The following UBAC2 variants were observed in gnomAD, a reference collection of about 807,000 sequenced individuals.
UBAC2 encodes ubiquitin-associated domain-containing protein 2.
A neutral mutation model predicts 44.0 loss-of-function variants in UBAC2; 26 were observed. The observed-to-expected ratio is 0.59, with a 90% CI of 0.43 to 0.82. The LOEUF (loss-of-function observed/expected upper bound fraction) is 0.82, where lower values mean the gene tolerates loss of function less well. UBAC2 is among the 40% of genes least tolerant of loss of function. The pLI, the probability that UBAC2 is intolerant of heterozygous loss-of-function variation, is 0.00. For missense variants in UBAC2, 329 were observed against 419.4 expected (o/e 0.78, Z 1.88); for synonymous variants, 155 against 154.3 (o/e 1.00, Z -0.04).
intron 7 of UBAC2, among the ~76,000 whole-genome samples, chr13:99,350,203 C>T (rs1311132020): frequency 6.6e-6 from 1 of 152,110 alleles, no homozygotes; most frequent in Non-Finnish European, 1.5e-5. Context: ...ATTATGACTA[C>T]TCTTACTCTA....
chr13:99,286,955 C>T (rs2044026224), intron 4 of UBAC2, among the ~76,000 whole-genome samples: 1 of 152,184 alleles, frequency 6.6e-6, no homozygotes, highest in Non-Finnish European at 1.5e-5. Flanking sequence ...TCTGCCTCTA[C>T]CCCCGATGTA....
chr13:99,201,162 C>A, intron 1 of UBAC2: 1 of 1,361,728 alleles, frequency 7.3e-7, no homozygotes, highest in Non-Finnish European at 9.5e-7. Context: ...GCCGCCCGCC[C>A]CGACCCCACC....
intron 7 of UBAC2, among the ~76,000 whole-genome samples, chr13:99,355,419 G>A (rs2045163573): frequency 6.6e-6 from 1 of 152,172 alleles, no homozygotes; most frequent in African/African-American, 2.4e-5. Flanking sequence ...GTGCTTACAG[G>A]TGTGTCACTC....
At chr13:99,344,715 T>C (rs2044946221) in intron 7 of UBAC2, among the ~76,000 whole-genome samples, 1 of 152,244 alleles carries the variant, frequency 6.6e-6, no homozygotes, top group African/African-American at 2.4e-5. Flanking sequence ...TGCCTGCTTA[T>C]GCCAGAGTTC....
intron 7 of UBAC2, among the ~76,000 whole-genome samples, chr13:99,358,025 G>A (rs2045212698): frequency 6.6e-6 from 1 of 152,182 alleles, no homozygotes; most frequent in African/African-American, 2.4e-5. Context: ...GATTCAGGCC[G>A]GTTAGCCTGC....
At position 99,296,103 on chromosome 13, in the gene UBAC2, T is replaced by A. The variant is rs777510204; in HGVS notation, c.390-17994T>A. 12 of 1,611,390 alleles carry A rather than the reference T, an allele frequency of 7.4e-6. No individual in the cohort carries two copies. The highest frequency in any genetic ancestry group is 1.3e-5 in the African/African-American group (1 of 74,804). On this transcript the variant is annotated intron_variant, in intron 4 of 8. Transcript: ENST00000403766. ...AGGTCACAGTCATTTCCCTGAGGAG[T>A]TGCAGAGGGCGGAGTAAAATTGTTT...
chr13:99,208,611 G>C (rs1287596290), intron 1 of UBAC2, among the ~76,000 whole-genome samples: 4 of 152,068 alleles, frequency 2.6e-5, no homozygotes, highest in Admixed American at 6.5e-5. Context: ...TCCCAGTTAA[G>C]ACTTGTAGTT....
chr13:99,273,686 G>T (rs569863253), intron 4 of UBAC2, among the ~76,000 whole-genome samples: 1 of 152,182 alleles, frequency 6.6e-6, no homozygotes, highest in African/African-American at 2.4e-5. Context: ...AATCCAAGCA[G>T]ATTCATCCAT....
At chr13:99,378,216 C>G (rs776822502) in intron 8 of UBAC2, among the ~76,000 whole-genome samples, 5 of 152,174 alleles carry the variant, frequency 3.3e-5, no homozygotes, top group African/African-American at 4.8e-5. Context: ...GCTGGAGCCC[C>G]CTTATCGATA....
At chr13:99,289,767 T>G (rs35715041) in intron 4 of UBAC2, among the ~76,000 whole-genome samples, 8 of 150,220 alleles carry the variant, frequency 5.3e-5, no homozygotes, top group Admixed American at 6.6e-5. Context: ...GGGTGGGGCA[T>G]GGGGTGGGAG....
At chr13:99,207,153 C>A (rs1183085613) in intron 1 of UBAC2, among the ~76,000 whole-genome samples, 3 of 152,230 alleles carry the variant, frequency 2.0e-5, no homozygotes, top group Non-Finnish European at 2.9e-5. Context: ...GGAGTCTTTA[C>A]CTGCTGCTGC....
intron 4 of UBAC2, among the ~76,000 whole-genome samples, chr13:99,279,105 C>T (rs2043920691): frequency 6.6e-6 from 1 of 152,124 alleles, no homozygotes. Flanking sequence ...CTTTTCCCAC[C>T]TCCCTCTCGG....
At chr13:99,243,437 C>T (rs145311407) in intron 2 of UBAC2, among the ~76,000 whole-genome samples, 1 of 151,894 alleles carries the variant, frequency 6.6e-6, no homozygotes, top group African/African-American at 2.4e-5. Context: ...GAGTTTATAC[C>T]TAAGTTGTTT....
chr13:99,230,472 A>G (rs1313678483), intron 1 of UBAC2, among the ~76,000 whole-genome samples: 1 of 152,128 alleles, frequency 6.6e-6, no homozygotes, highest in Non-Finnish European at 1.5e-5. Context: ...CTGTCTCCTC[A>G]ATAAATAAAT....
chr13:99,242,976 C>T (rs1006774719), intron 2 of UBAC2, among the ~76,000 whole-genome samples: 1 of 151,158 alleles, frequency 6.6e-6, no homozygotes, highest in Non-Finnish European at 1.5e-5. Flanking sequence ...AGGCGCTCCT[C>T]ACTTCCTAGA....
At chr13:99,280,201 G>A (rs559203314) in intron 4 of UBAC2, among the ~76,000 whole-genome samples, 1 of 152,058 alleles carries the variant, frequency 6.6e-6, no homozygotes, top group Non-Finnish European at 1.5e-5. Flanking sequence ...GCTTCCTCCT[G>A]CTGTTTTATA....
intron 4 of UBAC2, among the ~76,000 whole-genome samples, chr13:99,306,568 A>G (rs946043556): frequency 1.3e-5 from 2 of 152,124 alleles, no homozygotes; most frequent in Non-Finnish European, 2.9e-5. Flanking sequence ...ACTGCCCTTT[A>G]AAGGAAGTCT....
intron 4 of UBAC2, among the ~76,000 whole-genome samples, chr13:99,290,728 C>CA (rs35343898): frequency 0.27 from 25,512 of 93,438 alleles, 2,629 homozygotes; most frequent in Middle Eastern, 0.33. Flanking sequence ...GTTTCACCAC[C>CA]AAAAAAAAAA....
At chr13:99,314,425 C>T (rs1594118038) in intron 5 of UBAC2, among the ~76,000 whole-genome samples, 1 of 152,078 alleles carries the variant, frequency 6.6e-6, no homozygotes, top group Non-Finnish European at 1.5e-5. Context: ...CTTTCATAGT[C>T]TTTAGAAATC....
Sources: allele counts gnomAD v4.1 joint callset (sites outside exome capture counted in the v4.1 genomes callset), GRCh38; gene constraint gnomAD v4.1.1; transcripts MANE v1.5; gene names NCBI Gene and HGNC (gene_info 2026-07-23, HGNC 2026-07-21).